Variants in TNFAIP8 observed in about 807,000 individuals in gnomAD.
TNFAIP8 encodes the protein TNF alpha induced protein 8, also known as tumor necrosis factor alpha-induced protein 8.
A neutral mutation model predicts 13.3 loss-of-function variants in TNFAIP8; 7 were observed. The observed-to-expected ratio is 0.52, with a 90% CI of 0.30 to 0.99. The LOEUF (loss-of-function observed/expected upper bound fraction) is 0.99, where lower values mean the gene tolerates loss of function less well. Ranked by LOEUF, TNFAIP8 falls within the 50% of genes least tolerant of loss-of-function variation. The pLI, the probability that TNFAIP8 is intolerant of heterozygous loss-of-function variation, is 0.07. For synonymous variants in TNFAIP8, 94 were observed against 87.6 expected (o/e 1.07, Z -0.41); for missense variants, 258 against 236.9 (o/e 1.09, Z -0.58).
chr5:119,324,111 C>A lies in TNFAIP8; in HGVS notation c.1+55204C>A, dbSNP rs192476776. On this transcript the variant is annotated intron_variant, in intron 1 of 1. Transcript: ENST00000274456. ...GTTCAATGATGAAACCCCATCTCTA[C>A]CAAAAATTCAAAAATTAGCCAGGTG... 4.3e-4 allele frequency among the ~76,000 whole-genome samples: 65 copies of A among 151,436 alleles called. 2 individuals carry two copies. The highest frequency in any genetic ancestry group is 1.1e-3 in the Admixed American group (17 of 15,214).
chr5:119,352,753 G>A (rs914255467), upstream of TNFAIP8, among the ~76,000 whole-genome samples: 1 of 151,664 alleles, frequency 6.6e-6, no homozygotes, highest in South Asian at 2.2e-4. Context: ...TTTGGAAAGA[G>A]ATTTTTCTGC....
intron 1 of TNFAIP8, among the ~76,000 whole-genome samples, chr5:119,326,615 C>A (rs548591139): frequency 3.9e-5 from 6 of 152,148 alleles, no homozygotes; most frequent in Non-Finnish European, 7.4e-5. Context: ...AAACTTAATT[C>A]TAGGTACACA....
intron 1 of TNFAIP8, among the ~76,000 whole-genome samples, chr5:119,339,293 T>C (rs939889133): frequency 3.9e-5 from 6 of 152,092 alleles, no homozygotes; most frequent in Admixed American, 3.9e-4. Flanking sequence ...TCTGCTGTGA[T>C]GATTGGCTTA....
intron 1 of TNFAIP8, among the ~76,000 whole-genome samples, chr5:119,358,099 CTTTTTTT>C (rs5870854): frequency 7.1e-6 from 1 of 141,688 alleles, no homozygotes; most frequent in African/African-American, 2.6e-5. Flanking sequence ...TTATACGTAG[CTTTTTTT>C]TTTTTTTTCA....
At chr5:119,324,844 A>G (rs888941402) in intron 1 of TNFAIP8, among the ~76,000 whole-genome samples, 5 of 152,238 alleles carry the variant, frequency 3.3e-5, no homozygotes, top group African/African-American at 1.2e-4. Context: ...TAAAAATTAT[A>G]TATGGCTTAA....
At position 119,393,014 on chromosome 5, in the gene TNFAIP8, A is replaced by G; in HGVS notation, c.230A>G (p.Lys77Arg). 1 of 1,613,430 alleles carries G rather than the reference A, an allele frequency of 6.2e-7. No homozygotes were observed. The highest frequency in any genetic ancestry group is 8.5e-7 in the Non-Finnish European group (1 of 1,179,648). Residue 77 changes from lysine to arginine, a missense_variant, in exon 2 of 2, where the codon AAG becomes AGG. Transcript: ENST00000504771. Reference sequence around the variant, plus strand: ...GAGAAGATCATCAAGAACCTCATCAAGACAGTCATCAAGCTGGCCATTCTT... The same window carrying G: ...GAGAAGATCATCAAGAACCTCATCAGGACAGTCATCAAGCTGGCCATTCTT... ...EAEKIIKNLI[K>R]TVIKLAILYR... is the part of the protein sequence containing the mutation.
chr5:119,296,120 C>T (rs1163613237), intron 1 of TNFAIP8, among the ~76,000 whole-genome samples: 1 of 148,864 alleles, frequency 6.7e-6, no homozygotes, highest in Non-Finnish European at 1.5e-5. Context: ...CCCTTTATTT[C>T]CTTCTCCTGC....
intron 1 of TNFAIP8, among the ~76,000 whole-genome samples, chr5:119,286,160 A>G (rs1748770462): frequency 2.0e-5 from 3 of 152,198 alleles, no homozygotes; most frequent in Admixed American, 2.0e-4. Flanking sequence ...CTGTGTAAAA[A>G]GTGCATGCTG....
chr5:119,321,077 C>T (rs1394100688), intron 1 of TNFAIP8, among the ~76,000 whole-genome samples: 6 of 152,014 alleles, frequency 3.9e-5, no homozygotes, highest in African/African-American at 1.4e-4. Flanking sequence ...ACTAGGCGGG[C>T]GTGGTGGCCG....
intron 1 of TNFAIP8, among the ~76,000 whole-genome samples, chr5:119,281,382 A>G (rs1009024182): frequency 1.3e-5 from 2 of 152,012 alleles, no homozygotes; most frequent in Non-Finnish European, 2.9e-5. Flanking sequence ...TCATAATGCT[A>G]TTTCCAATTA....
intron 1 of TNFAIP8, among the ~76,000 whole-genome samples, chr5:119,270,884 C>A (rs1274289546): frequency 6.6e-6 from 1 of 152,164 alleles, no homozygotes; most frequent in African/African-American, 2.4e-5. Context: ...GCATAGTGAT[C>A]CTGCACAAAT....
At chr5:119,300,020 TC>T (rs1481779496) in intron 1 of TNFAIP8, among the ~76,000 whole-genome samples, 8 of 152,300 alleles carry the variant, frequency 5.3e-5, no homozygotes, top group Non-Finnish European at 1.0e-4. Context: ...GTCACCCCTT[TC>T]TTTGCCTAGG....
intron 1 of TNFAIP8, among the ~76,000 whole-genome samples, chr5:119,330,762 G>A (rs867411176): frequency 1.3e-5 from 2 of 152,280 alleles, no homozygotes; most frequent in South Asian, 4.1e-4. Context: ...ACCATCATGT[G>A]TTTGCAGAGA....
intron 1 of TNFAIP8, among the ~76,000 whole-genome samples, chr5:119,276,099 T>A (rs1388852355): frequency 2.0e-5 from 3 of 151,870 alleles, no homozygotes; most frequent in African/African-American, 7.3e-5. Flanking sequence ...TTAATCAGTC[T>A]TTCGTTAAGT....
upstream of TNFAIP8, among the ~76,000 whole-genome samples, chr5:119,353,676 TTCATTC>T (rs1751266706): frequency 8.1e-6 from 1 of 122,996 alleles, no homozygotes; most frequent in Non-Finnish European, 1.8e-5. Context: ...GCTTGAACTA[TTCATTC>T]AGCAGTTGTA....
intron 1 of TNFAIP8, among the ~76,000 whole-genome samples, chr5:119,375,807 CTTAG>C (rs1752256741): frequency 6.6e-6 from 1 of 152,026 alleles, no homozygotes; most frequent in Admixed American, 6.5e-5. Context: ...GGATTATATC[CTTAG>C]TTAATCTTCA....
rs547046060 is a variant in TNFAIP8 at position 119,323,157 on chromosome 5, G to T, written c.1+54250G>T. ...CATCTCTTTCCTAGGTTACTTAAAG[G>T]GCAGTTGCACCCCCTACACTTTCTC... On this transcript the variant is annotated intron_variant, in intron 1 of 1. Coordinates refer to the TNFAIP8 transcript ENST00000274456. Among the ~76,000 whole-genome samples, 96 of 152,156 alleles carry T rather than the reference G, an allele frequency of 6.3e-4. 1 individual carries two copies. The highest frequency in any genetic ancestry group is 2.2e-3 in the African/African-American group (91 of 41,484).
chr5:119,330,704 C>A, intron 1 of TNFAIP8, among the ~76,000 whole-genome samples: 1 of 152,286 alleles, frequency 6.6e-6, no homozygotes, highest in East Asian at 1.9e-4. Context: ...GCCGAGATAA[C>A]GTGGAGTACA....
intron 1 of TNFAIP8, among the ~76,000 whole-genome samples, chr5:119,276,954 A>AT (rs1748472625): frequency 6.6e-6 from 1 of 152,168 alleles, no homozygotes; most frequent in South Asian, 2.1e-4. Context: ...TATAAGCTAT[A>AT]TTTTTTCCTA....
Sources: allele counts gnomAD v4.1 joint callset (sites outside exome capture counted in the v4.1 genomes callset), GRCh38; gene constraint gnomAD v4.1.1; transcripts MANE v1.5; gene names NCBI Gene and HGNC (gene_info 2026-07-23, HGNC 2026-07-21).